DLGAP1: variants seen among roughly 807,000 people sequenced by gnomAD.
The protein encoded by DLGAP1 is DLG associated protein 1.
DLGAP1 carries 11 observed loss-of-function variants against 90.8 expected under a neutral mutation model. The observed-to-expected ratio is 0.12, with a 90% CI of 0.08 to 0.20. The LOEUF (loss-of-function observed/expected upper bound fraction) is 0.20. Among genes scored for constraint, DLGAP1 ranks in the 10% least tolerant of loss-of-function variants. DLGAP1 has a pLI of 1.00. For synonymous variants in DLGAP1, 558 were observed against 540.7 expected, an observed-to-expected ratio of 1.03 and a Z score of -0.44; for missense variants, 1,050 against 1,333.8, an observed-to-expected ratio of 0.79 and a Z score of 3.31.
intron 4 of DLGAP1, chr18:3,878,060 C>CA (rs2071048194): frequency 1.3e-5 from 2 of 151,556 alleles, no homozygotes; most frequent in Non-Finnish European, 2.9e-5. Flanking sequence ...TCAAAGGGAG[C>CA]AAAAAAGATG....
chr18:3,999,246 G>A (rs1369853601), intron 3 of DLGAP1, among the ~76,000 whole-genome samples: 1 of 151,676 alleles, frequency 6.6e-6, no homozygotes, highest in Non-Finnish European at 1.5e-5. Context: ...ATAATTGGTA[G>A]CATACTATAC....
At chr18:3,753,006 T>C (rs189805021) in intron 5 of DLGAP1, among the ~76,000 whole-genome samples, 1 of 152,292 alleles carries the variant, frequency 6.6e-6, no homozygotes, top group African/African-American at 2.4e-5. Context: ...TAAAAGTTTT[T>C]GTGTCAGCGC....
chr18:4,048,077 C>A (rs1056217907), intron 2 of DLGAP1, among the ~76,000 whole-genome samples: 8 of 152,154 alleles, frequency 5.3e-5, no homozygotes, highest in African/African-American at 1.9e-4. Flanking sequence ...GGATTGCAGG[C>A]ATGATCCACA....
chr18:3,962,615 C>T (rs1345981520), intron 3 of DLGAP1, among the ~76,000 whole-genome samples: 4 of 152,060 alleles, frequency 2.6e-5, no homozygotes, highest in East Asian at 1.9e-4. Flanking sequence ...ATTTGATAGA[C>T]GTTTGAGGTT....
At chr18:3,813,903 G>C (rs151260945) in intron 5 of DLGAP1, among the ~76,000 whole-genome samples, 156 bp downstream of exon 5, 2,105 of 152,166 alleles carry the variant, frequency 0.014, 20 homozygotes, top group Middle Eastern at 0.027. Flanking sequence ...AAAGGGACTG[G>C]GGTACGGACG....
intron 2 of DLGAP1, among the ~76,000 whole-genome samples, chr18:4,068,009 G>C (rs2075394276): frequency 6.6e-6 from 1 of 151,958 alleles, no homozygotes; most frequent in African/African-American, 2.4e-5. Flanking sequence ...GAGTTTGACT[G>C]TTTCCATTGA....
At chr18:3,712,806 C>G (rs1457391783) in intron 7 of DLGAP1, among the ~76,000 whole-genome samples, 1 of 152,220 alleles carries the variant, frequency 6.6e-6, no homozygotes, top group African/African-American at 2.4e-5. Context: ...CTTTCTGTAG[C>G]TAGCAGGACT....
At chr18:4,443,940 C>A (rs1300553947) in intron 1 of DLGAP1, among the ~76,000 whole-genome samples, 3 of 152,228 alleles carry the variant, frequency 2.0e-5, no homozygotes, top group African/African-American at 7.2e-5. Flanking sequence ...TTAGTGAAAA[C>A]CAGTGGAATG....
intron 1 of DLGAP1, among the ~76,000 whole-genome samples, chr18:4,281,800 A>G (rs1307889929): frequency 1.3e-5 from 2 of 152,190 alleles, no homozygotes; most frequent in African/African-American, 2.4e-5. Context: ...ACATGCACAG[A>G]GACACATACA....
chr18:3,944,726 T>C (rs1490430131), intron 3 of DLGAP1, among the ~76,000 whole-genome samples: 1 of 152,230 alleles, frequency 6.6e-6, no homozygotes, highest in Non-Finnish European at 1.5e-5. Flanking sequence ...TTTTAGAATG[T>C]TGTGAAGGTA....
intron 11 of DLGAP1, among the ~76,000 whole-genome samples, chr18:3,505,775 G>C (rs904284108): frequency 2.6e-5 from 4 of 152,050 alleles, no homozygotes; most frequent in African/African-American, 4.8e-5. Context: ...GAGGGGCCTG[G>C]TTTGACCAGC....
At chr18:3,772,172 C>CCTTCCTTTCTTTCTCTCCTTCCTTCCTTT (rs139069395) in intron 5 of DLGAP1, among the ~76,000 whole-genome samples, 5 of 145,198 alleles carry the variant, frequency 3.4e-5, no homozygotes, top group East Asian at 2.0e-4. Flanking sequence ...TTCTCTCCTT[C>CCTTCCTTTCTTTCTCTCCTTCCTTCCTTT]CTTTCTCTCC....
At chr18:4,071,277 A>G (rs188265608) in intron 2 of DLGAP1, among the ~76,000 whole-genome samples, 125 of 152,242 alleles carry the variant, frequency 8.2e-4, no homozygotes, top group African/African-American at 2.9e-3. Flanking sequence ...TAACTAAAAT[A>G]TTTATTGAAA....
At chr18:4,074,711 A>G (rs978057894) in intron 2 of DLGAP1, among the ~76,000 whole-genome samples, 4 of 152,160 alleles carry the variant, frequency 2.6e-5, no homozygotes, top group Non-Finnish European at 5.9e-5. Flanking sequence ...CAGTTTAACC[A>G]ATACCGTAAA....
chr18:4,362,912 C>G (rs906080199), intron 1 of DLGAP1, among the ~76,000 whole-genome samples: 42 of 152,212 alleles, frequency 2.8e-4, no homozygotes, highest in Middle Eastern at 3.4e-3. Flanking sequence ...CCATTAAAAA[C>G]AGCAGTTTCA....
chr18:4,063,970 G>A (rs1044644631), intron 2 of DLGAP1, among the ~76,000 whole-genome samples: 1 of 151,910 alleles, frequency 6.6e-6, no homozygotes. Context: ...AGAGCCTATG[G>A]CCCCCACAAT....
chr18:4,411,124 G>T (rs1198597960), intron 1 of DLGAP1, among the ~76,000 whole-genome samples: 1 of 152,096 alleles, frequency 6.6e-6, no homozygotes, highest in Non-Finnish European at 1.5e-5. Context: ...ACTTCTCTCA[G>T]CCCCTTGGAG....
chr18:4,081,008 C>T (rs1207977893), intron 2 of DLGAP1, among the ~76,000 whole-genome samples: 1 of 151,916 alleles, frequency 6.6e-6, no homozygotes, highest in Non-Finnish European at 1.5e-5. Context: ...CCTGCCTCAG[C>T]CTCCCGAGTA....
At chr18:4,281,006 T>G (rs2079536572) in intron 1 of DLGAP1, 1 of 152,224 alleles carries the variant, frequency 6.6e-6, no homozygotes. Flanking sequence ...ACTTATAACT[T>G]GAGATATCCT....
Sources: allele counts gnomAD v4.1 joint callset (sites outside exome capture counted in the v4.1 genomes callset), GRCh38; gene constraint gnomAD v4.1.1; transcripts MANE v1.5; gene names NCBI Gene and HGNC (gene_info 2026-07-23, HGNC 2026-07-21).